The following COL5A1 variants were observed in gnomAD, a reference collection of about 807,000 sequenced individuals.
The protein encoded by COL5A1 is collagen type V alpha 1 chain.
COL5A1 carries 16 observed loss-of-function variants against 263.7 expected under a neutral mutation model. The ratio of observed to expected loss-of-function variants is 0.06; its 90% CI spans 0.04 to 0.09. The LOEUF (loss-of-function observed/expected upper bound fraction) is 0.09, where lower values mean the gene tolerates loss of function less well. COL5A1 is among the 10% of genes least tolerant of loss of function. COL5A1 has a pLI of 1.00. For missense variants in COL5A1, 2,036 were observed against 2,540.5 expected (o/e 0.80, Z 4.27); for synonymous variants, 1,012 against 1,004.5 (o/e 1.01, Z -0.14).
chr9:134,729,028 G>A (rs1397183069), intron 6 of COL5A1, among the ~76,000 whole-genome samples: 2 of 152,220 alleles, frequency 1.3e-5, no homozygotes, highest in Non-Finnish European at 2.9e-5. Flanking sequence ...GAGATGCCAA[G>A]TATACAGGGG....
chr9:134,708,229 C>G (rs1045921310), intron 4 of COL5A1, among the ~76,000 whole-genome samples: 1 of 152,168 alleles, frequency 6.6e-6, no homozygotes, highest in African/African-American at 2.4e-5. Context: ...ACTCCACCGC[C>G]TCGGGCAGCC....
At chr9:134,713,405 G>C (rs1834138074) in intron 4 of COL5A1, among the ~76,000 whole-genome samples, 1 of 152,168 alleles carries the variant, frequency 6.6e-6, no homozygotes, top group African/African-American at 2.4e-5. Context: ...GAGAAGTGAG[G>C]GTCTTCCTGA....
chr9:134,719,726 C>T (rs1405320966), intron 4 of COL5A1, among the ~76,000 whole-genome samples: 1 of 152,122 alleles, frequency 6.6e-6, no homozygotes, highest in South Asian at 2.1e-4. Flanking sequence ...GGGGGCGGCT[C>T]AGGAAGTAGG....
chr9:134,813,498 C>T (rs1046256866), intron 48 of COL5A1, among the ~76,000 whole-genome samples: 5 of 152,338 alleles, frequency 3.3e-5, no homozygotes, highest in East Asian at 1.9e-4. Context: ...TGATGGTGTG[C>T]GGCTTCTGCT....
intron 36 of COL5A1, among the ~76,000 whole-genome samples, chr9:134,797,753 G>A: frequency 6.6e-6 from 1 of 152,166 alleles, no homozygotes; most frequent in East Asian, 1.9e-4. Context: ...AAAGTGCTGG[G>A]ATTACAGCCA....
intron 9 of COL5A1, among the ~76,000 whole-genome samples, chr9:134,734,515 C>T (rs528533368): frequency 1.3e-5 from 2 of 152,390 alleles, no homozygotes; most frequent in African/African-American, 4.8e-5. Flanking sequence ...GGTCCTGGGG[C>T]CCTGCGGGCG....
chr9:134,657,132 A>T (rs111665544), intron 1 of COL5A1, among the ~76,000 whole-genome samples: 1 of 134 alleles, frequency 7.5e-3, no homozygotes, highest in Non-Finnish European at 0.012. Context: ...ATATGGGGGC[A>T]GGGTAGGGGG....
In COL5A1 at chr9:134,731,732, C is replaced by T. The variant is rs886979245; in HGVS notation, c.1332+69C>T. 14 of 1,517,390 alleles carry T rather than the reference C, an allele frequency of 9.2e-6. No individual in the cohort carries two copies. The African/African-American group carries it at 9.6e-5, about 10-fold the overall frequency. The allele number at this position is 1,517,390 out of a possible 1,614,324, so 94.0% of individuals were successfully genotyped here. A position where few individuals can be genotyped will look rare whatever the true frequency, so the allele number is the denominator to read the frequency against. The stretch of plus-strand genomic sequence containing the variant: ...GGTGGGGCATCATGGGGGCTCCTGC[C>T]CAAGAGCCTCCTCAGGGGTGGGCCT... On this transcript the variant is annotated intron_variant, in intron 8 of 65. Transcript: ENST00000371817.
chr9:134,759,917 T>TCATA (rs1344358566), intron 18 of COL5A1, among the ~76,000 whole-genome samples: 1 of 54,214 alleles, frequency 1.8e-5, no homozygotes, highest in Non-Finnish European at 3.1e-5. Flanking sequence ...ACCCCCACAC[T>TCATA]CATACATGCA....
intron 34 of COL5A1, 96 bp from the exon 35 acceptor site, chr9:134,796,278 A>G (rs1238553376): frequency 1.5e-6 from 2 of 1,374,002 alleles, no homozygotes; most frequent in East Asian, 2.3e-5. Flanking sequence ...CACAGGCAAT[A>G]TTTGACTCAG....
At chr9:134,801,361 C>T (rs956545044) in intron 37 of COL5A1, among the ~76,000 whole-genome samples, 6 of 152,204 alleles carry the variant, frequency 3.9e-5, no homozygotes, top group East Asian at 1.9e-4. Flanking sequence ...GAGGTAGTCG[C>T]GGGTCCAGAA....
intron 36 of COL5A1, among the ~76,000 whole-genome samples, chr9:134,797,631 C>T (rs1028197097): frequency 2.0e-5 from 3 of 152,110 alleles, no homozygotes; most frequent in Admixed American, 6.5e-5. Flanking sequence ...TACAGGCATG[C>T]GCCACCACAC....
intron 63 of COL5A1, among the ~76,000 whole-genome samples, chr9:134,827,673 C>G (rs1036798517): frequency 2.6e-5 from 4 of 152,220 alleles, no homozygotes; most frequent in African/African-American, 7.2e-5. Flanking sequence ...CAGGCTCCCC[C>G]AGTGTTGACC....
At chr9:134,760,696 C>T (rs1836367884) in intron 18 of COL5A1, among the ~76,000 whole-genome samples, 1 of 141,012 alleles carries the variant, frequency 7.1e-6, no homozygotes. Context: ...CTCATACATG[C>T]ACACACACAC....
chr9:134,738,485 C>G lies in COL5A1; in HGVS notation c.1401C>G (p.Ile467Met). 6.2e-7 allele frequency: 1 copy of G among 1,614,008 alleles called. No homozygotes were observed. Among genetic ancestry groups the G allele is most frequent in the South Asian group, 1.1e-5 (1 of 91,080 alleles). The change falls in exon 10 of 66, where the codon ATC becomes ATG. Residue 467 changes from isoleucine to methionine, a missense_variant. Around this residue, in one of 3 missense-constraint regions of COL5A1, gnomAD observed 600 missense variants for 634.5 expected, o/e 0.95. Transcript: ENST00000371817. ...EPAIIEPGML[I>M]EGPPGPEGPA... The stretch of plus-strand genomic sequence containing the variant: ...CTCTGTCTCCCCAGGGCATGCTCAT[C>G]GAGGGCCCGCCTGGCCCAGAAGGCC...
rs1160540030 is a variant in COL5A1 at position 134,642,221 on chromosome 9, G to T, written c.34G>T (p.Ala12Ser). The T allele has an allele frequency of 2.3e-6, 3 of 1,300,610 alleles. No individual in the cohort carries two copies. The South Asian group carries it at 6.9e-5, about 30-fold the overall frequency. 80.6% of individuals were successfully genotyped at this position (1,300,610 alleles called of 1,614,324 possible). ...CCATACCCGCTGGAAAGCGCGCAGC[G>T]CGCTCCGCCCGGGCGCCCCGCTGCT... ...DVHTRWKARS[A>S]LRPGAPLLPP... The change falls in exon 1 of 66, where the codon GCG becomes TCG. Residue 12 changes from alanine to serine, a missense_variant. Coordinates refer to ENST00000371817, the MANE Select transcript of COL5A1 (RefSeq NM_000093.5). The surrounding 1 kb of genome is among the most constrained non-coding windows in gnomAD (Gnocchi z 4.5).
intron 1 of COL5A1, among the ~76,000 whole-genome samples, chr9:134,675,957 G>C (rs1832674460): frequency 6.6e-6 from 1 of 152,174 alleles, no homozygotes; most frequent in Admixed American, 6.5e-5. Context: ...TGATTTAAGG[G>C]AGGGGACATA....
rs543462823 is a variant in COL5A1 at position 134,741,884 on chromosome 9, G to A, written c.1494+3076G>A. On this transcript the variant is annotated intron_variant, in intron 11 of 65. Coordinates refer to ENST00000371817, the MANE Select transcript of COL5A1 (RefSeq NM_000093.5). This position sits in a 1 kb window ranked among gnomAD's most constrained non-coding sequence, Gnocchi z 4.5. ...GCCCTTCCTCCCTTCCCCAAGGGCCGTCTGGCCGTGACCGGTTTGTGCCTT... is the reference window on the plus strand; with the variant it reads ...GCCCTTCCTCCCTTCCCCAAGGGCCATCTGGCCGTGACCGGTTTGTGCCTT... Among the ~76,000 whole-genome samples the A allele has an allele frequency of 1.3e-4, 20 of 152,198 alleles. No homozygotes were observed. The East Asian group carries it at 3.3e-3, about 25-fold the overall frequency.
At chr9:134,775,973 AG>A (rs1837039308) in intron 27 of COL5A1, among the ~76,000 whole-genome samples, 1 of 152,170 alleles carries the variant, frequency 6.6e-6, no homozygotes, top group Admixed American at 6.6e-5. Context: ...ACCTGCTCTG[AG>A]AGCCCAAGAC....
Sources: allele counts gnomAD v4.1 joint callset (sites outside exome capture counted in the v4.1 genomes callset), GRCh38; gene constraint gnomAD v4.1.1; regional missense constraint gnomAD v4.1.1; non-coding constraint Gnocchi (gnomAD v3.1); transcripts MANE v1.5; gene names NCBI Gene and HGNC (gene_info 2026-07-23, HGNC 2026-07-21).